Variants in IL13RA1 observed in about 807,000 individuals in gnomAD.
The protein encoded by IL13RA1 is interleukin-13 receptor subunit alpha-1.
In IL13RA1, 14 loss-of-function variants were observed where a neutral mutation model predicts 33.8. The ratio of observed to expected loss-of-function variants is 0.41; its 90% CI spans 0.27 to 0.65. The LOEUF is 0.65. IL13RA1 is among the 30% of genes least tolerant of loss of function. The pLI, the probability that IL13RA1 is intolerant of heterozygous loss-of-function variation, is 0.28. For synonymous variants in IL13RA1, 116 were observed against 115.7 expected, an observed-to-expected ratio of 1.00 and a Z score of -0.02; for missense variants, 313 against 327.0, an observed-to-expected ratio of 0.96 and a Z score of 0.33.
rs373289198 is a variant in IL13RA1 at position 118,741,060 on chromosome X, C to A, written c.132C>A (p.Asn44Lys). 9.0e-7 allele frequency: 1 copy of A among 1,105,384 alleles called. No individual in the cohort carries two copies. Among genetic ancestry groups the A allele is most frequent in the Non-Finnish European group, 1.3e-6 (1 of 798,574 alleles). The allele number at this position is 1,105,384 out of a possible 1,213,427, so 91.1% of individuals were successfully genotyped here. The change falls in exon 2 of 11, where the codon AAC becomes AAA. Residue 44 changes from asparagine to lysine, a missense_variant. By Grantham distance (94) the Asn-to-Lys change is moderately conservative (BLOSUM62 0). Transcript: ENST00000371666. The part of the protein sequence containing the change: ...PVTNLSVSVE[N>K]LCTVIWTWNP... ...CAAATTTGAGTGTCTCTGTTGAAAACCTCTGCACAGTAATATGGACATGGA... is the reference window on the plus strand; with the variant it reads ...CAAATTTGAGTGTCTCTGTTGAAAAACTCTGCACAGTAATATGGACATGGA...
At chrX:118,776,592 G>A in intron 10 of IL13RA1, 81 bp downstream of exon 10, 1 of 414,039 alleles carries the variant, frequency 2.4e-6, no homozygotes, top group Non-Finnish European at 4.1e-6. Context: ...AAAAAAGTGT[G>A]GTAAGGTATC....
Position 118,758,225 on chromosome X carries a change from T to G in IL13RA1, c.659T>G (p.Val220Gly), listed in dbSNP as rs767032797. The G allele has an allele frequency of 1.7e-5, 18 of 1,047,254 alleles. No individual in the cohort carries two copies. Among genetic ancestry groups the G allele is most frequent in the Non-Finnish European group, 2.4e-5 (18 of 761,347 alleles). The allele number at this position is 1,047,254 out of a possible 1,213,427, so 86.3% of individuals were successfully genotyped here. A position where few individuals can be genotyped will look rare whatever the true frequency, so the allele number is the denominator to read the frequency against. The change falls in exon 5 of 11, where the codon GTG (valine) becomes GGG (glycine). Residue 220 changes from valine (V) to glycine (G), a missense_variant. Val to Gly is a moderately radical substitution (Grantham distance 109). Coordinates refer to ENST00000371666, the MANE Select transcript of IL13RA1 (RefSeq NM_001560.3). ...AGKIKPSFNI[V>G]PLTSRVKPDP... ...AAAATTAAACCATCCTTCAATATAG[T>G]GCCTTTAACTTCCCGTGGTAAGTTT...
At chrX:118,736,542 T>C (rs981283292) in intron 1 of IL13RA1, among the ~76,000 whole-genome samples, 15 of 112,183 alleles carry the variant, frequency 1.3e-4, no homozygotes, top group Non-Finnish European at 1.3e-4. Flanking sequence ...GGTTTTTTTC[T>C]GGGCTTTCCC....
intron 4 of IL13RA1, among the ~76,000 whole-genome samples, chrX:118,750,026 G>C (rs1022157231): frequency 9.0e-6 from 1 of 111,561 alleles, no homozygotes; most frequent in Admixed American, 9.6e-5. Flanking sequence ...ACTCCACTCA[G>C]TTTCTCCCAG....
Position 118,770,853 on chromosome X carries a change from A to T in IL13RA1, c.1010-3026A>T, listed in dbSNP as rs774208127. 6.9e-5 allele frequency: 18 copies of T among 262,489 alleles called. No individual in the cohort carries two copies. The East Asian group carries it at 1.6e-3, about 23-fold the overall frequency. 21.6% of individuals were successfully genotyped at this position (262,489 alleles called of 1,213,427 possible). ...TACCAGAAAGATGATGACAATGAGG[A>T]GGAGGGGTGATTCCAGCTTTCCAAC... On this transcript the variant is annotated intron_variant, in intron 8 of 10. Transcript: ENST00000371666.
chrX:118,760,056 T>C (rs1004240870), intron 5 of IL13RA1, among the ~76,000 whole-genome samples: 3 of 112,347 alleles, frequency 2.7e-5, no homozygotes, highest in Non-Finnish European at 3.8e-5. Context: ...TTAATTGTGG[T>C]TATAAACACA....
rs771636060 is a variant in IL13RA1 at position 118,770,125 on chromosome X, C to T, written c.1009+3149C>T. 415 of 266,902 alleles carry T rather than the reference C, an allele frequency of 1.6e-3. No individual in the cohort carries two copies. Among genetic ancestry groups the T allele is most frequent in the Non-Finnish European group, 2.5e-3 (350 of 140,581 alleles). 22.0% of individuals were successfully genotyped at this position (266,902 alleles called of 1,213,427 possible). ...TCCAGGGCCCTGTGTACCCCTACTA[C>T]GTGCTGACCAACTTCTACCAAAACA... On this transcript the variant is annotated intron_variant, in intron 8 of 10. Transcript: ENST00000371666.
chrX:118,773,364 G>A lies in IL13RA1; in HGVS notation c.1010-515G>A, dbSNP rs746947184. Among the ~76,000 whole-genome samples, 8 of 111,519 alleles carry A rather than the reference G, an allele frequency of 7.2e-5. No individual in the cohort carries two copies. The East Asian group carries it at 1.1e-3, about 16-fold the overall frequency. On this transcript the variant is annotated intron_variant, in intron 8 of 10. Transcript: ENST00000371666. Reference sequence around the variant, plus strand: ...AAATTAACTCGGTGTGGTGGTGTGCGCCTGTAGTCCCAGCTACTCAGGAGG... The same window carrying A: ...AAATTAACTCGGTGTGGTGGTGTGCACCTGTAGTCCCAGCTACTCAGGAGG...
In IL13RA1 at chrX:118,791,784, A is replaced by G; in HGVS notation, c.1214A>G (p.Tyr405Cys). 2 of 1,046,971 alleles carry G rather than the reference A, an allele frequency of 1.9e-6. No individual in the cohort carries two copies. Among genetic ancestry groups the G allele is most frequent in the African/African-American group, 1.8e-5 (1 of 54,420 alleles). 86.3% of individuals were successfully genotyped at this position (1,046,971 alleles called of 1,213,427 possible). A position where few individuals can be genotyped will look rare whatever the true frequency, so the allele number is the denominator to read the frequency against. ...TAGCACTGGAAGAAGTACGACATCT[A>G]TGAGAAGCAAACCAAGGAGGAAACC... ...DTLHWKKYDIYEKQTKEETDS... is the reference protein window; with the variant it reads ...DTLHWKKYDICEKQTKEETDS... Residue 405 changes from tyrosine to cysteine, a missense_variant, in exon 11 of 11, where the codon TAT becomes TGT. By Grantham distance (194) the Tyr-to-Cys change is radical. Transcript: ENST00000371666.
intron 8 of IL13RA1, chrX:118,770,608 G>A (rs745932501): frequency 1.1e-5 from 5 of 466,718 alleles, no homozygotes; most frequent in Middle Eastern, 3.6e-4. Flanking sequence ...CATCCGCCAG[G>A]GCAACTACTC....
chrX:118,740,791 A>G (rs1441254783), intron 1 of IL13RA1, among the ~76,000 whole-genome samples: 1 of 112,003 alleles, frequency 8.9e-6, no homozygotes, highest in Non-Finnish European at 1.9e-5. Context: ...TCAAAAAACA[A>G]CAACAACAAA....
intron 10 of IL13RA1, 30 bp downstream of exon 10, chrX:118,776,541 G>GTT (rs5903529): frequency 0.11 from 22,007 of 203,339 alleles, 286 homozygotes; most frequent in East Asian, 0.12. Flanking sequence ...GGCTTGAAAT[G>GTT]TTTTTTTTTT....
intron 6 of IL13RA1, among the ~76,000 whole-genome samples, chrX:118,765,477 G>C (rs762047176): frequency 9.0e-6 from 1 of 111,560 alleles, no homozygotes; most frequent in East Asian, 2.8e-4. Flanking sequence ...ATTCACCAAT[G>C]TTGTTTCTTA....
chrX:118,778,967 T>C (rs187049739), intron 10 of IL13RA1, among the ~76,000 whole-genome samples: 4 of 112,167 alleles, frequency 3.6e-5, no homozygotes, highest in Non-Finnish European at 7.5e-5. Flanking sequence ...AGACTTCTCT[T>C]GGTCTTTCTA....
intron 6 of IL13RA1, 115 bp from the exon 7 acceptor site, chrX:118,766,415 C>T: frequency 2.4e-6 from 1 of 424,331 alleles, no homozygotes; most frequent in Non-Finnish European, 4.0e-6. Context: ...TTCACTGTAC[C>T]TGATCATCTT....
chrX:118,733,033 C>T lies in IL13RA1; in HGVS notation c.88+5307C>T, dbSNP rs191224495. Among the ~76,000 whole-genome samples, 5 of 112,049 alleles carry T rather than the reference C, an allele frequency of 4.5e-5. No homozygotes were observed. In the East Asian group the frequency reaches 1.4e-3, roughly 31 times the overall value. On this transcript the variant is annotated intron_variant, in intron 1 of 10. Coordinates refer to ENST00000371666, the MANE Select transcript of IL13RA1 (RefSeq NM_001560.3). Reference sequence around the variant, plus strand: ...CATTGTATGCATATACCATATTTTGCTTATCTGTTTATCTGTCAATGGACA... The same window carrying T: ...CATTGTATGCATATACCATATTTTGTTTATCTGTTTATCTGTCAATGGACA...
chrX:118,736,560 G>A (rs2017284691), intron 1 of IL13RA1, among the ~76,000 whole-genome samples: 1 of 111,596 alleles, frequency 9.0e-6, no homozygotes, highest in Non-Finnish European at 1.9e-5. Context: ...CCCTGAGCAT[G>A]TGTGGTCACT....
At chrX:118,787,515 T>A in intron 10 of IL13RA1, among the ~76,000 whole-genome samples, 1 of 111,463 alleles carries the variant, frequency 9.0e-6, no homozygotes, top group South Asian at 3.8e-4. Flanking sequence ...AAACAGGGTT[T>A]GAGAGCAGAC....
chrX:118,764,346 A>G (rs1270380266), intron 6 of IL13RA1, among the ~76,000 whole-genome samples: 1 of 109,571 alleles, frequency 9.1e-6, no homozygotes, highest in Admixed American at 9.8e-5. Context: ...ATTTCTATAT[A>G]TGGGAGATGG....
Sources: allele counts gnomAD v4.1 joint callset (sites outside exome capture counted in the v4.1 genomes callset), GRCh38; gene constraint gnomAD v4.1.1; transcripts MANE v1.5; gene names NCBI Gene and HGNC (gene_info 2026-07-23, HGNC 2026-07-21).